PYGO1: variants seen among roughly 807,000 people sequenced by gnomAD.
PYGO1 encodes pygopus family PHD finger 1, also known as pygopus homolog 1.
PYGO1 carries 6 observed loss-of-function variants against 29.5 expected under a neutral mutation model. The ratio of observed to expected loss-of-function variants is 0.20; its 90% confidence interval spans 0.11 to 0.40. The LOEUF (loss-of-function observed/expected upper bound fraction) is 0.40, where lower values mean the gene tolerates loss of function less well. PYGO1 is among the 10% of genes least tolerant of loss of function. The pLI, the probability that PYGO1 is intolerant of heterozygous loss-of-function variation, is 1.00. For synonymous variants in PYGO1, 186 were observed against 180.5 expected (o/e 1.03, Z -0.24); for missense variants, 515 against 514.9 (o/e 1.00, Z 0.00).
chr15:55,550,643 G>A (rs935563142), intron 1 of PYGO1, among the ~76,000 whole-genome samples: 1 of 152,122 alleles, frequency 6.6e-6, no homozygotes, highest in Non-Finnish European at 1.5e-5. Context: ...GTTCCTTCCT[G>A]CAGTCACTGT....
At chr15:55,549,426 T>C (rs185060468) in intron 1 of PYGO1, among the ~76,000 whole-genome samples, 190 of 152,308 alleles carry the variant, frequency 1.2e-3, no homozygotes, top group Middle Eastern at 3.4e-3. Context: ...TTGGAGATCA[T>C]TCCATATCAC....
rs1005988318 is a variant in PYGO1 at position 55,587,815 on chromosome 15, C to A, written c.49+20G>T. The stretch of plus-strand genomic sequence containing the variant: ...CCTCACTCACCCCGGTTCCCCCAAT[C>A]CGGCACCCTTCTCGGTTACCTCGAA... On this transcript the variant is annotated intron_variant, in intron 1 of 2. Transcript: ENST00000563719. 6 of 1,485,712 alleles carry A rather than the reference C, an allele frequency of 4.0e-6. No homozygotes were observed. The highest frequency in any genetic ancestry group is 5.4e-6 in the Non-Finnish European group (6 of 1,120,020). The allele number at this position is 1,485,712 out of a possible 1,614,324, so 92.0% of individuals were successfully genotyped here. A position where few individuals can be genotyped will look rare whatever the true frequency, so the allele number is the denominator to read the frequency against.
chr15:55,578,586 T>G (rs2059013593), intron 1 of PYGO1, among the ~76,000 whole-genome samples: 1 of 152,234 alleles, frequency 6.6e-6, no homozygotes. Context: ...GGTTTTGATT[T>G]GCATTTCCAT....
At chr15:55,580,255 C>A (rs1235343545) in intron 1 of PYGO1, among the ~76,000 whole-genome samples, 6 of 152,140 alleles carry the variant, frequency 3.9e-5, no homozygotes, top group Non-Finnish European at 8.8e-5. Flanking sequence ...AACGGTGAAA[C>A]CTCAGAGTTT....
At position 55,546,999 on chromosome 15, in the gene PYGO1, T is replaced by A. The variant is rs755823830; in HGVS notation, c.284A>T (p.Tyr95Phe). ...TGTACTATAGCCTCCAAAGCCAGGA[T>A]AACCAGGGCCAAGATATGGATTTGA... Reference protein sequence around the residue: ...PSSNPYLGPGYPGFGGYSTFR... With the variant: ...PSSNPYLGPGFPGFGGYSTFR... Residue 95 changes from tyrosine (Y) to phenylalanine (F), a missense_variant, in exon 3 of 3, where the codon TAT becomes TTT. Tyr to Phe is a conservative substitution (Grantham distance 22). Coordinates refer to ENST00000563719, the MANE Select transcript of PYGO1 (RefSeq NM_001367806.1). 4 of 1,614,030 alleles carry A rather than the reference T, an allele frequency of 2.5e-6. No homozygotes were observed. The highest frequency in any genetic ancestry group is 2.7e-5 in the African/African-American group (2 of 75,014).
intron 1 of PYGO1, among the ~76,000 whole-genome samples, chr15:55,566,279 G>C (rs2058956195): frequency 6.6e-6 from 1 of 151,900 alleles, no homozygotes; most frequent in African/African-American, 2.4e-5. Flanking sequence ...ATGTCCATGA[G>C]TAACCAATGT....
intron 1 of PYGO1, among the ~76,000 whole-genome samples, chr15:55,587,351 G>A (rs1203847681): frequency 1.3e-5 from 2 of 151,114 alleles, no homozygotes; most frequent in African/African-American, 4.9e-5. Context: ...AAAATAAACT[G>A]AATATTTGTT....
intron 1 of PYGO1, among the ~76,000 whole-genome samples, chr15:55,580,108 C>A (rs2141676671): frequency 6.6e-6 from 1 of 152,196 alleles, no homozygotes; most frequent in Middle Eastern, 3.4e-3. Context: ...TACAATAATA[C>A]CTCTGATAAT....
chr15:55,588,428 C>G (rs1233331719), upstream of PYGO1, among the ~76,000 whole-genome samples: 3 of 148,622 alleles, frequency 2.0e-5, no homozygotes, highest in Non-Finnish European at 4.5e-5. Flanking sequence ...CTTCCCCGCC[C>G]TGAGCTCCCC....
At chr15:55,577,299 C>T (rs2059007145) in intron 1 of PYGO1, among the ~76,000 whole-genome samples, 2 of 152,084 alleles carry the variant, frequency 1.3e-5, no homozygotes. Flanking sequence ...GCCTGCCTAC[C>T]CCTCACCCCG....
In PYGO1 at chr15:55,567,197, CTTTTTTTTTTTTT is replaced by C. The variant is rs71297645; in HGVS notation, c.50-18215_50-18203del. Among the ~76,000 whole-genome samples the C allele has an allele frequency of 1.8e-3, 87 of 47,082 alleles. 1 individual carries two copies. Among genetic ancestry groups the C allele is most frequent in the Non-Finnish European group, 2.7e-3 (78 of 28,760 alleles). 30.9% of individuals were successfully genotyped at this position (47,082 alleles called of 152,430 possible). On this transcript the variant is annotated intron_variant, in intron 1 of 2. Coordinates refer to ENST00000563719, the MANE Select transcript of PYGO1 (RefSeq NM_001367806.1). ...ATATCTGTTCCTGTCTTTTGCCCAC[CTTTTTTTTTTTTT>C]TTTTTTTTTTTTTTTTGAGACAGGG...
At position 55,556,591 on chromosome 15, in the gene PYGO1, G is replaced by C. The variant is rs550908050; in HGVS notation, c.50-7596C>G. ...GCTAACATCACAACTAAAAGAACTGGAGAACCAAGGGCAAACAAACTCCAA... is the reference window on the plus strand; with the variant it reads ...GCTAACATCACAACTAAAAGAACTGCAGAACCAAGGGCAAACAAACTCCAA... On this transcript the variant is annotated intron_variant, in intron 1 of 2. Coordinates refer to ENST00000563719, the MANE Select transcript of PYGO1 (RefSeq NM_001367806.1). Among the ~76,000 whole-genome samples the C allele has an allele frequency of 2.0e-5, 3 of 151,846 alleles. No individual in the cohort carries two copies. In the South Asian group the frequency reaches 6.2e-4, roughly 32 times the overall value.
intron 1 of PYGO1, among the ~76,000 whole-genome samples, chr15:55,561,768 A>G (rs747866984): frequency 3.3e-5 from 5 of 152,246 alleles, no homozygotes; most frequent in Admixed American, 6.5e-5. Flanking sequence ...AAGAATATCT[A>G]GGCAATACCA....
intron 1 of PYGO1, among the ~76,000 whole-genome samples, chr15:55,556,976 T>C (rs1017167781): frequency 6.6e-6 from 1 of 150,690 alleles, no homozygotes; most frequent in African/African-American, 2.4e-5. Context: ...TAGTAACAAG[T>C]TCTGAAATTG....
intron 1 of PYGO1, among the ~76,000 whole-genome samples, chr15:55,581,981 C>T (rs994255024): frequency 1.3e-4 from 19 of 149,016 alleles, no homozygotes; most frequent in Admixed American, 1.3e-4. Flanking sequence ...CTGAGGTGGG[C>T]GGATCACCTG....
At chr15:55,552,021 C>A (rs1489025445) in intron 1 of PYGO1, among the ~76,000 whole-genome samples, 1 of 151,658 alleles carries the variant, frequency 6.6e-6, no homozygotes, top group African/African-American at 2.4e-5. Context: ...AAGCATTTGA[C>A]AAAAATCTAA....
chr15:55,567,197 CTTT>C lies in PYGO1; in HGVS notation c.50-18205_50-18203del, dbSNP rs71297645. Among the ~76,000 whole-genome samples the C allele has an allele frequency of 6.1e-3, 288 of 47,070 alleles. 2 individuals are homozygous for C. The highest frequency in any genetic ancestry group is 0.019 in the African/African-American group (206 of 11,072). The allele number at this position is 47,070 out of a possible 152,430, so 30.9% of individuals were successfully genotyped here. A position where few individuals can be genotyped will look rare whatever the true frequency, so the allele number is the denominator to read the frequency against. ...ATATCTGTTCCTGTCTTTTGCCCAC[CTTT>C]TTTTTTTTTTTTTTTTTTTTTTTTT... On this transcript the variant is annotated intron_variant, in intron 1 of 2. Transcript: ENST00000563719.
At chr15:55,563,292 T>TC (rs1472859005) in intron 1 of PYGO1, among the ~76,000 whole-genome samples, 23 of 150,424 alleles carry the variant, frequency 1.5e-4, no homozygotes, top group Non-Finnish European at 2.7e-4. Flanking sequence ...TTTGTCTTTT[T>TC]CCCCCCTCCA....
At chr15:55,558,170 T>C (rs1174233339) in intron 1 of PYGO1, among the ~76,000 whole-genome samples, 2 of 152,162 alleles carry the variant, frequency 1.3e-5, no homozygotes, top group Admixed American at 6.5e-5. Context: ...ACAAAATCAA[T>C]GTGCAAAAAT....
Sources: allele counts gnomAD v4.1 joint callset (sites outside exome capture counted in the v4.1 genomes callset), GRCh38; gene constraint gnomAD v4.1.1; transcripts MANE v1.5; gene names NCBI Gene and HGNC (gene_info 2026-07-23, HGNC 2026-07-21).